Variants in CTNND2 observed in about 807,000 individuals in gnomAD.
The protein encoded by CTNND2 is catenin delta 2, also known as catenin delta-2.
Under a neutral mutation model 144.4 loss-of-function variants are expected in CTNND2, and 22 were observed. The observed-to-expected ratio is 0.15, with a 90% confidence interval of 0.11 to 0.22. CTNND2 has a LOEUF of 0.22. CTNND2 is among the 10% of genes least tolerant of loss of function. CTNND2 has a pLI of 1.00. For missense variants in CTNND2, 1,353 were observed against 1,618.8 expected (o/e 0.84, Z 2.82); for synonymous variants, 751 against 695.6 (o/e 1.08, Z -1.25).
In CTNND2 at chr5:11,375,867, T is replaced by C. The variant is rs533529821; in HGVS notation, c.1177+8798A>G. 2.0e-5 allele frequency among the ~76,000 whole-genome samples: 3 copies of C among 152,274 alleles called. 1 individual carries two copies. The South Asian group carries it at 6.2e-4, about 32-fold the overall frequency. On this transcript the variant is annotated intron_variant, in intron 7 of 21. Transcript: ENST00000304623. ...GGGGAAAGGGGACTGTTTTTCGTCA[T>C]GTGAATAACAACAAGCGAACTGACT... is the stretch of plus-strand genomic sequence containing the variant.
At chr5:11,137,688 C>T (rs1293927901) in intron 12 of CTNND2, among the ~76,000 whole-genome samples, 1 of 152,172 alleles carries the variant, frequency 6.6e-6, no homozygotes, top group African/African-American at 2.4e-5. Context: ...AAACACAGAC[C>T]TCCTAGCAAA....
At chr5:11,490,855 G>C (rs1769318751) in intron 3 of CTNND2, among the ~76,000 whole-genome samples, 1 of 152,104 alleles carries the variant, frequency 6.6e-6, no homozygotes, top group East Asian at 1.9e-4. Flanking sequence ...TGGCATGGTG[G>C]CTCACCCCTG....
intron 16 of CTNND2, among the ~76,000 whole-genome samples, chr5:11,052,653 C>T (rs1745957139): frequency 6.6e-6 from 1 of 152,136 alleles, no homozygotes; most frequent in African/African-American, 2.4e-5. Context: ...CTCCCAGGCA[C>T]TGCCAAAGCT....
chr5:11,848,948 T>A (rs769713183), intron 1 of CTNND2, among the ~76,000 whole-genome samples: 1 of 152,088 alleles, frequency 6.6e-6, no homozygotes, highest in Non-Finnish European at 1.5e-5. Context: ...GGAGCTCCCA[T>A]TGACATATTG....
In CTNND2 at chr5:11,847,128, TTATATATATATATATATATATATA is replaced by T. The variant is rs56978156; in HGVS notation, c.37+56665_37+56688del. ...AAATAAAATCAGTATGTCAAAGATT[TTATATATATATATATATATATATA>T]TATATATATATATATATATATATGC... On this transcript the variant is annotated intron_variant, in intron 1 of 21. Transcript: ENST00000304623. Among the ~76,000 whole-genome samples the T allele has an allele frequency of 4.8e-3, 350 of 72,414 alleles. 3 individuals carry two copies. The highest frequency in any genetic ancestry group is 0.021 in the African/African-American group (294 of 13,996). The allele number at this position is 72,414 out of a possible 152,430, so 47.5% of individuals were successfully genotyped here.
rs761905534 is a variant in CTNND2, at chr5:10,992,577, A to G, written c.3185T>C (p.Val1062Ala). Residue 1062 changes from valine to alanine, a missense_variant, in exon 19 of 22, where the codon GTG becomes GCG. Val to Ala is a moderately conservative substitution (Grantham distance 64, BLOSUM62 0). This residue lies in a region of CTNND2 where 459 missense variants were observed against 674.3 expected (regional missense o/e 0.68). Coordinates refer to ENST00000304623, the MANE Select transcript of CTNND2 (RefSeq NM_001332.4). ...TGAGCGGTTGTTGGGAGACACGCGC[A>G]CAGGGGAGATGGAGGGCGTGCGGGA... The part of the protein sequence containing the change: ...SSSRTPSISP[V>A]RVSPNNRSAS... 4 of 1,613,942 alleles carry G rather than the reference A, an allele frequency of 2.5e-6. No homozygotes were observed. The East Asian group carries it at 8.9e-5, about 36-fold the overall frequency.
intron 16 of CTNND2, among the ~76,000 whole-genome samples, chr5:11,053,969 G>C (rs762902498): frequency 1.3e-5 from 2 of 152,242 alleles, no homozygotes; most frequent in African/African-American, 2.4e-5. Flanking sequence ...ATCTGCATTA[G>C]AAAGATTTGT....
At chr5:11,200,975 G>A (rs1312710125) in intron 10 of CTNND2, among the ~76,000 whole-genome samples, 1 of 151,722 alleles carries the variant, frequency 6.6e-6, no homozygotes, top group Non-Finnish European at 1.5e-5. Context: ...CACCGTGCCA[G>A]GCCATCCCCA....
chr5:11,488,194 C>CA (rs1269862822), intron 3 of CTNND2, among the ~76,000 whole-genome samples: 1 of 152,186 alleles, frequency 6.6e-6, no homozygotes, highest in African/African-American at 2.4e-5. Context: ...TATATACTTT[C>CA]AAAAACTGCC....
chr5:11,192,213 T>C (rs1039530759), intron 11 of CTNND2, among the ~76,000 whole-genome samples: 2 of 152,192 alleles, frequency 1.3e-5, no homozygotes, highest in Non-Finnish European at 2.9e-5. Context: ...AAATGCATCA[T>C]GCCAGAATGA....
intron 9 of CTNND2, among the ~76,000 whole-genome samples, chr5:11,258,252 C>T (rs1744484533): frequency 6.6e-6 from 1 of 152,188 alleles, no homozygotes; most frequent in Admixed American, 6.5e-5. Flanking sequence ...AGGCAGCCGA[C>T]ATATGGCCCA....
chr5:11,002,995 T>G (rs1740107452), intron 18 of CTNND2, among the ~76,000 whole-genome samples: 1 of 152,242 alleles, frequency 6.6e-6, no homozygotes, highest in Admixed American at 6.5e-5. Context: ...ACTGTTGGCC[T>G]ATGTATGGCC....
chr5:11,596,147 A>G (rs939341870), intron 2 of CTNND2, among the ~76,000 whole-genome samples: 3 of 152,192 alleles, frequency 2.0e-5, no homozygotes, highest in African/African-American at 7.2e-5. Context: ...CATCTATCAT[A>G]TTTTATCCTT....
At chr5:11,641,292 G>A (rs939587400) in intron 2 of CTNND2, among the ~76,000 whole-genome samples, 2 of 152,150 alleles carry the variant, frequency 1.3e-5, no homozygotes, top group African/African-American at 4.8e-5. Context: ...AGTGTGCAAT[G>A]TGAGCGTTCC....
rs778244528 is a variant in CTNND2 at position 11,199,529 on chromosome 5, G to C, written c.1894C>G (p.Leu632Val). ...GKANDDNKIA[L>V]KNCGGIPALV... Reference sequence around the variant, plus strand: ...GCTGGGATGCCACCACAGTTTTTCAGGGCAATTTTGTTATCATCGTTGGCC... The same window carrying C: ...GCTGGGATGCCACCACAGTTTTTCACGGCAATTTTGTTATCATCGTTGGCC... Residue 632 changes from leucine (L) to valine (V), a missense_variant, in exon 11 of 22, where the codon CTG (leucine) becomes GTG (valine). This residue lies in a region of CTNND2 where 117 missense variants were observed against 117.8 expected (regional missense o/e 0.99). Transcript: ENST00000304623. 8 of 1,614,034 alleles carry C rather than the reference G, an allele frequency of 5.0e-6. No homozygotes were observed. Among genetic ancestry groups the C allele is most frequent in the Non-Finnish European group, 6.8e-6 (8 of 1,180,034 alleles).
chr5:11,064,163 A>G (rs2149600325), intron 16 of CTNND2, among the ~76,000 whole-genome samples: 1 of 152,306 alleles, frequency 6.6e-6, no homozygotes, highest in African/African-American at 2.4e-5. Flanking sequence ...GGTGAAGGCA[A>G]GGTGTGTTCC....
At chr5:11,422,337 A>C (rs1450663733) in intron 3 of CTNND2, among the ~76,000 whole-genome samples, 1 of 152,188 alleles carries the variant, frequency 6.6e-6, no homozygotes, top group Non-Finnish European at 1.5e-5. Context: ...TTTCCTGGCA[A>C]CTGCCACCAT....
chr5:11,200,178 C>T (rs191639566), intron 10 of CTNND2, among the ~76,000 whole-genome samples: 200 of 152,198 alleles, frequency 1.3e-3, no homozygotes, highest in Non-Finnish European at 2.4e-3. Flanking sequence ...AGAAGACCCG[C>T]GGAAATAAGA....
chr5:11,217,401 T>C (rs1739311344), intron 10 of CTNND2, among the ~76,000 whole-genome samples: 1 of 152,194 alleles, frequency 6.6e-6, no homozygotes, highest in African/African-American at 2.4e-5. Flanking sequence ...TTCTCCATCA[T>C]CTTGTGCTCT....
Sources: allele counts gnomAD v4.1 joint callset (sites outside exome capture counted in the v4.1 genomes callset), GRCh38; gene constraint gnomAD v4.1.1; regional missense constraint gnomAD v4.1.1; transcripts MANE v1.5; gene names NCBI Gene and HGNC (gene_info 2026-07-23, HGNC 2026-07-21).